The following SNX1 variants were observed in gnomAD, a reference collection of about 807,000 sequenced individuals.
SNX1 encodes sorting nexin-1.
Under a neutral mutation model 71.8 loss-of-function variants are expected in SNX1, and 36 were observed. That is an observed-to-expected ratio of 0.50 (90% confidence interval 0.38 to 0.66). SNX1 has a LOEUF of 0.66. Among genes scored for constraint, SNX1 ranks in the 30% least tolerant of loss-of-function variants. The probability of loss-of-function intolerance (pLI) is 0.00; values close to 1 mark genes in which losing one functional copy is unlikely to be tolerated. For synonymous variants in SNX1, 254 were observed against 240.7 expected (o/e 1.06, Z -0.51); for missense variants, 612 against 646.7 (o/e 0.95, Z 0.58).
rs2081441680 is a variant in SNX1, at chr15:64,144,135, C to T, written c.*6517C>T. ...CCTCTAGAGATGGAAGTTTGCATTA[C>T]CTTTAATTTTTAATACCATTTTGTA... On this transcript the variant is annotated 3_prime_UTR_variant, in exon 15 of 15. Transcript: ENST00000559844. This position sits in a 1 kb window ranked among gnomAD's most constrained non-coding sequence, Gnocchi z 4.3. 6.6e-6 allele frequency: 1 copy of T among 152,132 alleles called. No homozygotes were observed. The highest frequency in any genetic ancestry group is 6.5e-5 in the Admixed American group (1 of 15,280). 9.4% of individuals were successfully genotyped at this position (152,132 alleles called of 1,614,324 possible). A position where few individuals can be genotyped will look rare whatever the true frequency, so the allele number is the denominator to read the frequency against.
In SNX1 at chr15:64,138,318, T is replaced by G; in HGVS notation, c.*700T>G. 3 of 755,488 alleles carry G rather than the reference T, an allele frequency of 4.0e-6. No individual in the cohort carries two copies. Among genetic ancestry groups the G allele is most frequent in the Non-Finnish European group, 3.8e-6 (2 of 528,664 alleles). 46.8% of individuals were successfully genotyped at this position (755,488 alleles called of 1,614,324 possible). On this transcript the variant is annotated 3_prime_UTR_variant, in exon 15 of 15. Transcript: ENST00000559844. ...TCCTGCAAAGGAGGCAGAGACTTTC[T>G]CTCTCTCTTTTTTTTTTTTTTTTGG...
rs1033662243 is a variant in SNX1 at position 64,127,809 on chromosome 15, T to C, written c.807+3T>C. ...GAGAGTTCTTGGAAAAAGAAGAGGT[T>C]AGTATTCAGTGCAAACTGAATTTCA... On this transcript the variant is annotated splice_donor_region_variant and intron_variant, in intron 8 of 14. Transcript: ENST00000559844. 14 of 1,610,302 alleles carry C rather than the reference T, an allele frequency of 8.7e-6. No individual in the cohort carries two copies. The highest frequency in any genetic ancestry group is 1.1e-5 in the Non-Finnish European group (13 of 1,176,692).
chr15:64,138,214 C>T lies in SNX1; in HGVS notation c.*596C>T, dbSNP rs1414200247. 4.0e-6 allele frequency: 6 copies of T among 1,507,492 alleles called. No individual in the cohort carries two copies. Among genetic ancestry groups the T allele is most frequent in the East Asian group, 2.5e-5 (1 of 40,472 alleles). 93.4% of individuals were successfully genotyped at this position (1,507,492 alleles called of 1,614,324 possible). A position where few individuals can be genotyped will look rare whatever the true frequency, so the allele number is the denominator to read the frequency against. ...CTGTTCTGAGGGTCTCAATCTGTTTCGTATTCCCACTTCTTTAGGGAAGGA... is the reference window on the plus strand; with the variant it reads ...CTGTTCTGAGGGTCTCAATCTGTTTTGTATTCCCACTTCTTTAGGGAAGGA... On this transcript the variant is annotated 3_prime_UTR_variant, in exon 15 of 15. Transcript: ENST00000559844.
At chr15:64,124,809 A>G (rs772423154) in intron 5 of SNX1, among the ~76,000 whole-genome samples, 1 of 152,170 alleles carries the variant, frequency 6.6e-6, no homozygotes, top group Non-Finnish European at 1.5e-5. Context: ...CTGTTTTTTA[A>G]AGTCTTTGTA....
At chr15:64,120,846 G>GA (rs952682163) in intron 4 of SNX1, among the ~76,000 whole-genome samples, 2 of 151,760 alleles carry the variant, frequency 1.3e-5, no homozygotes, top group South Asian at 4.2e-4. Context: ...GTCTCAAAAA[G>GA]AAAAAAAATT....
At chr15:64,117,021 A>T (rs373540584) in intron 2 of SNX1, among the ~76,000 whole-genome samples, 4 of 152,282 alleles carry the variant, frequency 2.6e-5, no homozygotes. Context: ...AACCTTTACA[A>T]GGAGATCTAA....
At chr15:64,135,594 A>T (rs554959957) in intron 12 of SNX1, among the ~76,000 whole-genome samples, 49 of 150,592 alleles carry the variant, frequency 3.3e-4, no homozygotes, top group African/African-American at 1.1e-3. Context: ...CGTCTCTACT[A>T]AAAAAAATAC....
chr15:64,118,856 T>C lies in SNX1; in HGVS notation c.466+2T>C. On this transcript the variant is annotated splice_donor_variant, in intron 4 of 14. Transcript: ENST00000559844. LOFTEE classifies it high-confidence loss of function. ...GTATAACTGATCCTGAGAAGATAGG[T>C]AAGTGGTTCTTAGGACTCCTTGTGA... 6.2e-7 allele frequency: 1 copy of C among 1,610,356 alleles called. No homozygotes were observed. The highest frequency in any genetic ancestry group is 8.5e-7 in the Non-Finnish European group (1 of 1,176,890).
At chr15:64,111,292 A>G (rs1350297096) in intron 1 of SNX1, among the ~76,000 whole-genome samples, 1 of 152,248 alleles carries the variant, frequency 6.6e-6, no homozygotes, top group Non-Finnish European at 1.5e-5. Context: ...GCTAGAGGAC[A>G]GGACCACTAT....
At chr15:64,107,421 G>A (rs1049050135) in intron 1 of SNX1, among the ~76,000 whole-genome samples, 1 of 152,324 alleles carries the variant, frequency 6.6e-6, no homozygotes, top group Non-Finnish European at 1.5e-5. Flanking sequence ...TTAAAGTAGT[G>A]AATGGCTTCG....
intron 1 of SNX1, among the ~76,000 whole-genome samples, chr15:64,110,665 G>T (rs974043408): frequency 4.6e-5 from 7 of 152,210 alleles, no homozygotes; most frequent in African/African-American, 1.7e-4. Context: ...GCCTCCCAAA[G>T]TGGTGGGATT....
chr15:64,110,684 G>C lies in SNX1; in HGVS notation c.160-1889G>C, dbSNP rs921268329. 6.3e-4 allele frequency among the ~76,000 whole-genome samples: 96 copies of C among 152,220 alleles called. 1 individual carries two copies. Among genetic ancestry groups the C allele is most frequent in the Non-Finnish European group, 1.9e-4 (13 of 68,040 alleles). On this transcript the variant is annotated intron_variant, in intron 1 of 14. Coordinates refer to ENST00000559844, the MANE Select transcript of SNX1 (RefSeq NM_003099.5). ...CCCAAAGTGGTGGGATTATAGGTGT[G>C]AGCCACCACACGTGGCCACAGTTTG...
chr15:64,100,604 CAAAAAAAAA>C (rs34663775), intron 1 of SNX1, among the ~76,000 whole-genome samples: 28 of 102,550 alleles, frequency 2.7e-4, no homozygotes, highest in African/African-American at 4.8e-4. Flanking sequence ...AACTCCATCT[CAAAAAAAAA>C]AAAAAAAAAA....
intron 1 of SNX1, among the ~76,000 whole-genome samples, chr15:64,097,029 G>A (rs1174659078): frequency 6.6e-6 from 1 of 152,242 alleles, no homozygotes; most frequent in Non-Finnish European, 1.5e-5. Context: ...TGAGTGGGCC[G>A]GAGCAAGGGG....
chr15:64,124,174 A>G lies in SNX1; in HGVS notation c.510+628A>G, dbSNP rs896540959. ...TATATATATATATATATATATATAT[A>G]TATATGACTGTTTTGCTTTGTTTTG... On this transcript the variant is annotated intron_variant, in intron 5 of 14. Transcript: ENST00000559844. Among the ~76,000 whole-genome samples, 8 of 99,460 alleles carry G rather than the reference A, an allele frequency of 8.0e-5. 1 individual carries two copies. Among genetic ancestry groups the G allele is most frequent in the African/African-American group, 2.5e-4 (8 of 32,180 alleles). The allele number at this position is 99,460 out of a possible 152,430, so 65.2% of individuals were successfully genotyped here.
intron 11 of SNX1, among the ~76,000 whole-genome samples, chr15:64,133,468 G>A (rs374768655): frequency 9.8e-5 from 15 of 152,336 alleles, no homozygotes; most frequent in East Asian, 5.8e-4. Flanking sequence ...GGTGGCTCAC[G>A]CCTGTAATCC....
intron 1 of SNX1, among the ~76,000 whole-genome samples, chr15:64,109,835 G>A (rs746831498): frequency 7.2e-5 from 11 of 152,114 alleles, no homozygotes; most frequent in African/African-American, 1.7e-4. Context: ...TGCACCCAGC[G>A]CAAAGATTTT....
In SNX1 at chr15:64,140,366, A is replaced by G. The variant is rs962090657; in HGVS notation, c.*2748A>G. The G allele has an allele frequency of 6.6e-6, 1 of 151,756 alleles. No homozygotes were observed. Among genetic ancestry groups the G allele is most frequent in the Non-Finnish European group, 1.5e-5 (1 of 67,916 alleles). The allele number at this position is 151,756 out of a possible 1,614,324, so 9.4% of individuals were successfully genotyped here. A position where few individuals can be genotyped will look rare whatever the true frequency, so the allele number is the denominator to read the frequency against. On this transcript the variant is annotated 3_prime_UTR_variant, in exon 15 of 15. Coordinates refer to ENST00000559844, the MANE Select transcript of SNX1 (RefSeq NM_003099.5). Reference sequence around the variant, plus strand: ...AGTTGCAAGCCATTGCTTTGATTTTATCTTGATTCTCAAATTGTCCCAGAT... The same window carrying G: ...AGTTGCAAGCCATTGCTTTGATTTTGTCTTGATTCTCAAATTGTCCCAGAT...
At chr15:64,132,088 C>T (rs2081313139) in intron 11 of SNX1, among the ~76,000 whole-genome samples, 196 bp downstream of exon 11, 2 of 152,188 alleles carry the variant, frequency 1.3e-5, no homozygotes. Context: ...TCATTTTGAG[C>T]CCCACAGCCA....
Sources: gnomAD v4.1 joint callset for allele counts (sites outside exome capture counted in the v4.1 genomes callset) on GRCh38, gnomAD v4.1.1 for gene constraint, Gnocchi (gnomAD v3.1) non-coding constraint, MANE v1.5 for transcripts, NCBI Gene and HGNC (gene_info 2026-07-23, HGNC 2026-07-21) for gene names.